FUNDC1: variants seen among roughly 807,000 people sequenced by gnomAD.
FUNDC1 encodes the protein FUN14 domain containing 1, also known as FUN14 domain-containing protein 1.
In FUNDC1, 10 loss-of-function variants were observed where a neutral mutation model predicts 14.5. That is an observed-to-expected ratio of 0.69 (90% CI 0.43 to 1.17). FUNDC1 has a LOEUF of 1.17. FUNDC1 is among the 50% of genes most tolerant of loss of function. The pLI, the probability that FUNDC1 is intolerant of heterozygous loss-of-function variation, is 0.00. For synonymous variants in FUNDC1, 33 were observed against 39.7 expected, an observed-to-expected ratio of 0.83 and a Z score of 0.64; for missense variants, 115 against 113.8, an observed-to-expected ratio of 1.01 and a Z score of -0.05.
chrX:44,537,576 T>C (rs2038953855), intron 3 of FUNDC1, among the ~76,000 whole-genome samples: 1 of 112,223 alleles, frequency 8.9e-6, no homozygotes, highest in Non-Finnish European at 1.9e-5. Flanking sequence ...AAAGGCTGTT[T>C]AGTGAACAAC....
chrX:44,532,798 C>T (rs1458093685), intron 3 of FUNDC1, among the ~76,000 whole-genome samples: 10 of 110,835 alleles, frequency 9.0e-5, no homozygotes, highest in African/African-American at 2.3e-4. Context: ...GCGATCCGCC[C>T]GCCTCGGCCT....
Position 44,526,386 on chromosome X carries a change from C to T in FUNDC1, c.390+851G>A, listed in dbSNP as rs193271626. On this transcript the variant is annotated intron_variant, in intron 4 of 4. Coordinates refer to ENST00000378045, the MANE Select transcript of FUNDC1 (RefSeq NM_173794.4). ...CGAAGGTTGCAGTGAGCCAAGATTACGCCACTGCACTCCAGCCTGGGCTAC... is the reference window on the plus strand; with the variant it reads ...CGAAGGTTGCAGTGAGCCAAGATTATGCCACTGCACTCCAGCCTGGGCTAC... Among the ~76,000 whole-genome samples the T allele has an allele frequency of 9.5e-4, 102 of 107,474 alleles. 1 individual carries two copies. The highest frequency in any genetic ancestry group is 3.0e-4 in the East Asian group (1 of 3,372). The allele number at this position is 107,474 out of a possible 115,157, so 93.3% of individuals were successfully genotyped here.
In FUNDC1 at chrX:44,532,480, G is replaced by T. The variant is rs73478709; in HGVS notation, c.262-5115C>A. On this transcript the variant is annotated intron_variant, in intron 3 of 4. Coordinates refer to ENST00000378045, the MANE Select transcript of FUNDC1 (RefSeq NM_173794.4). ...GGATCCTCTCATATGGGGATAGTAG[G>T]AATACTTTCTGGAAGGCTACTTGAC... 8.4e-3 allele frequency among the ~76,000 whole-genome samples: 908 copies of T among 107,870 alleles called. 8 individuals carry two copies. Among genetic ancestry groups the T allele is most frequent in the African/African-American group, 0.029 (854 of 29,581 alleles). 93.7% of individuals were successfully genotyped at this position (107,870 alleles called of 115,157 possible).
chrX:44,532,554 TA>T (rs1191560826), intron 3 of FUNDC1, among the ~76,000 whole-genome samples: 1 of 106,460 alleles, frequency 9.4e-6, no homozygotes, highest in African/African-American at 3.5e-5. Context: ...TATATATATA[TA>T]TATTTTTTTT....
At chrX:44,537,346 A>C (rs1160481047) in intron 3 of FUNDC1, among the ~76,000 whole-genome samples, 6 of 111,991 alleles carry the variant, frequency 5.4e-5, no homozygotes, top group Admixed American at 4.8e-4. Flanking sequence ...CAGAAATGAC[A>C]ACTGAGTCTT....
At chrX:44,533,384 C>T (rs1442785046) in intron 3 of FUNDC1, among the ~76,000 whole-genome samples, 1 of 110,549 alleles carries the variant, frequency 9.0e-6, no homozygotes, top group Non-Finnish European at 1.9e-5. Context: ...AATCCCAGCA[C>T]TTTGGGAGGC....
intron 2 of FUNDC1, among the ~76,000 whole-genome samples, chrX:44,541,529 G>T (rs1487115206): frequency 9.0e-6 from 1 of 111,644 alleles, no homozygotes. Flanking sequence ...TCTGTACAGG[G>T]CTGACAATAC....
At chrX:44,534,884 C>T (rs1329579193) in intron 3 of FUNDC1, among the ~76,000 whole-genome samples, 1 of 112,178 alleles carries the variant, frequency 8.9e-6, no homozygotes, top group Non-Finnish European at 1.9e-5. Context: ...CAGTGGCTTA[C>T]ACCTGTAATC....
chrX:44,537,834 A>G (rs985931031), intron 3 of FUNDC1, among the ~76,000 whole-genome samples: 1 of 112,844 alleles, frequency 8.9e-6, no homozygotes, highest in African/African-American at 3.2e-5. Flanking sequence ...TTGAAAAAAT[A>G]CATGCCAAAC....
At chrX:44,531,864 C>T (rs1172369299) in intron 3 of FUNDC1, among the ~76,000 whole-genome samples, 1 of 109,991 alleles carries the variant, frequency 9.1e-6, no homozygotes, top group Non-Finnish European at 1.9e-5. Flanking sequence ...ACTGAAAGAG[C>T]TCTTAATGGC....
chrX:44,540,533 C>G (rs2038967643), intron 2 of FUNDC1, among the ~76,000 whole-genome samples: 1 of 110,489 alleles, frequency 9.1e-6, no homozygotes. Flanking sequence ...GGACTGTGTT[C>G]CACAAGCATG....
At position 44,539,188 on chromosome X, in the gene FUNDC1, CTTCTT is replaced by C. The variant is rs760051265; in HGVS notation, c.186-651_186-647del. On this transcript the variant is annotated intron_variant, in intron 2 of 4. Transcript: ENST00000378045. ...CTCATCTACCCTGTGTCAGCTCATA[CTTCTT>C]TTGTCATTAATTCGCTCCTTCAGTG... Among the ~76,000 whole-genome samples the C allele has an allele frequency of 1.4e-3, 160 of 111,819 alleles. 1 individual carries two copies. Among genetic ancestry groups the C allele is most frequent in the Non-Finnish European group, 1.8e-3 (98 of 53,206 alleles).
At chrX:44,529,187 C>A (rs2038913395) in intron 3 of FUNDC1, among the ~76,000 whole-genome samples, 1 of 110,902 alleles carries the variant, frequency 9.0e-6, no homozygotes, top group East Asian at 2.8e-4. Flanking sequence ...CCCTTATCCA[C>A]CCCCCAATCC....
At chrX:44,539,770 A>G (rs1227187039) in intron 2 of FUNDC1, among the ~76,000 whole-genome samples, 1 of 111,129 alleles carries the variant, frequency 9.0e-6, no homozygotes, top group Non-Finnish European at 1.9e-5. Context: ...GGGTTCAAGC[A>G]ATTCTCCTGC....
intron 4 of FUNDC1, among the ~76,000 whole-genome samples, chrX:44,525,215 T>G (rs73476999): frequency 0.023 from 2,480 of 109,909 alleles, 106 homozygotes; most frequent in African/African-American, 0.079. Flanking sequence ...TAATTTTTTT[T>G]GGGGGGGTGA....
chrX:44,526,481 T>G (rs867984805), intron 4 of FUNDC1, among the ~76,000 whole-genome samples: 1 of 69,334 alleles, frequency 1.4e-5, no homozygotes, highest in African/African-American at 4.8e-5. Context: ...AGTAAAAAAA[T>G]AAAAAAGGGG....
chrX:44,542,330 A>C, intron 1 of FUNDC1: 1 of 395,551 alleles, frequency 2.5e-6, no homozygotes, highest in South Asian at 4.2e-5. Context: ...CCCGGGGACC[A>C]GCCTGGGGTC....
intron 2 of FUNDC1, among the ~76,000 whole-genome samples, chrX:44,540,414 TTGTGTGTG>T (rs367975882): frequency 1.0e-5 from 1 of 96,650 alleles, no homozygotes; most frequent in East Asian, 3.0e-4. Flanking sequence ...AATGTGTGTG[TTGTGTGTG>T]TGTGTGTGTG....
intron 1 of FUNDC1, 49 bp from the exon 2 acceptor site, chrX:44,542,150 C>T: frequency 1.0e-6 from 1 of 974,361 alleles, no homozygotes; most frequent in Non-Finnish European, 1.4e-6. Context: ...AATCAAAAGT[C>T]AGAAATGTTC....
Sources: allele counts gnomAD v4.1 joint callset (sites outside exome capture counted in the v4.1 genomes callset), GRCh38; gene constraint gnomAD v4.1.1; transcripts MANE v1.5; gene names NCBI Gene and HGNC (gene_info 2026-07-23, HGNC 2026-07-21).